The following DPP6 variants were observed in gnomAD, a reference collection of about 807,000 sequenced individuals.
The protein encoded by DPP6 is dipeptidyl peptidase like 6, also known as A-type potassium channel modulatory protein DPP6.
DPP6 carries 69 observed loss-of-function variants against 122.6 expected under a neutral mutation model. That is an observed-to-expected ratio of 0.56 (90% CI 0.46 to 0.69). The LOEUF (loss-of-function observed/expected upper bound fraction) is 0.69, where lower values mean the gene tolerates loss of function less well. Ranked by LOEUF, DPP6 falls within the 30% of genes least tolerant of loss-of-function variation. The probability of loss-of-function intolerance (pLI) is 0.00; values close to 1 mark genes in which losing one functional copy is unlikely to be tolerated. For synonymous variants in DPP6, 418 were observed against 433.1 expected (o/e 0.97, Z 0.43); for missense variants, 928 against 1,116.9 (o/e 0.83, Z 2.41).
At chr7:153,922,116 A>G (rs1800666791) in intron 1 of DPP6, among the ~76,000 whole-genome samples, 1 of 152,246 alleles carries the variant, frequency 6.6e-6, no homozygotes, top group African/African-American at 2.4e-5. Flanking sequence ...GTGTAGAGTC[A>G]GTGATGATGA....
At chr7:154,597,659 A>G (rs989774094) in intron 5 of DPP6, among the ~76,000 whole-genome samples, 5 of 152,096 alleles carry the variant, frequency 3.3e-5, no homozygotes, top group African/African-American at 7.2e-5. Flanking sequence ...CTGTCGTAAC[A>G]AAGTGCTACA....
At position 154,892,377 on chromosome 7, in the gene DPP6, A is replaced by T. The variant is rs764585943; in HGVS notation, c.2495A>T (p.Lys832Ile). 5.0e-5 allele frequency: 80 copies of T among 1,613,934 alleles called. No homozygotes were observed. The highest frequency in any genetic ancestry group is 3.4e-6 in the Non-Finnish European group (4 of 1,179,906). ...CATTACTTTACCAGCTCCAGCCTCA[A>T]ACAGCATCTGTACCGGTCCATCATC... is the stretch of plus-strand genomic sequence containing the variant. ...ESHYFTSSSL[K>I]QHLYRSIINF... is the part of the protein sequence containing the mutation. Residue 832 changes from lysine (K) to isoleucine (I), a missense_variant, in exon 26 of 26, where the codon AAA (lysine) becomes ATA (isoleucine). Lys to Ile is a moderately radical substitution (Grantham distance 102). Transcript: ENST00000377770.
chr7:154,803,155 C>G (rs1798481160), intron 13 of DPP6, among the ~76,000 whole-genome samples: 1 of 152,198 alleles, frequency 6.6e-6, no homozygotes, highest in African/African-American at 2.4e-5. Context: ...TTGGGCCCTC[C>G]ACCTAGTTTA....
chr7:154,182,383 G>A (rs1426741055), intron 1 of DPP6, among the ~76,000 whole-genome samples: 5 of 152,096 alleles, frequency 3.3e-5, no homozygotes, highest in African/African-American at 7.2e-5. Context: ...GGGCTCTGCT[G>A]TCCCCCTCCT....
chr7:154,129,363 C>G (rs1039994762), intron 1 of DPP6, among the ~76,000 whole-genome samples: 1 of 152,156 alleles, frequency 6.6e-6, no homozygotes, highest in African/African-American at 2.4e-5. Flanking sequence ...CATATCAAAA[C>G]TGTGGACCAG....
intron 1 of DPP6, among the ~76,000 whole-genome samples, chr7:154,169,762 ACT>A (rs1413505961): frequency 6.6e-6 from 1 of 152,058 alleles, no homozygotes; most frequent in African/African-American, 2.4e-5. Flanking sequence ...ATGGAGTCTC[ACT>A]CTGTCACCCA....
chr7:154,874,564 G>GAGC (rs1804688254), intron 19 of DPP6, among the ~76,000 whole-genome samples: 1 of 152,246 alleles, frequency 6.6e-6, no homozygotes, highest in African/African-American at 2.4e-5. Flanking sequence ...ACTCGACATA[G>GAGC]AGCAGCACCA....
intron 1 of DPP6, among the ~76,000 whole-genome samples, chr7:154,419,092 A>T (rs1035961938): frequency 6.6e-6 from 1 of 152,378 alleles, no homozygotes; most frequent in Non-Finnish European, 1.5e-5. Context: ...ATGTTCCAGG[A>T]ATTAATAATG....
intron 1 of DPP6, among the ~76,000 whole-genome samples, chr7:154,222,919 G>A (rs1335421895): frequency 1.3e-5 from 2 of 148,842 alleles, no homozygotes; most frequent in Non-Finnish European, 2.9e-5. Flanking sequence ...AGGCTTTTTG[G>A]TGGTTGTTGG....
At chr7:154,230,162 C>G (rs544147744) in intron 1 of DPP6, among the ~76,000 whole-genome samples, 2 of 152,046 alleles carry the variant, frequency 1.3e-5, no homozygotes, top group South Asian at 2.1e-4. Context: ...CCCTCCTATC[C>G]TCTCCCCATC....
At chr7:154,395,384 A>G (rs1310469994) in intron 1 of DPP6, among the ~76,000 whole-genome samples, 1 of 152,224 alleles carries the variant, frequency 6.6e-6, no homozygotes, top group Non-Finnish European at 1.5e-5. Context: ...CCATCCATGA[A>G]CATGGGATGT....
chr7:153,862,980 A>G, the DPP6 span, among the ~76,000 whole-genome samples: 2 of 152,218 alleles, frequency 1.3e-5, no homozygotes. Flanking sequence ...GACAGTTTAC[A>G]GGAAAAATGA....
chr7:154,617,830 G>A (rs894350474), intron 5 of DPP6, among the ~76,000 whole-genome samples: 6 of 152,150 alleles, frequency 3.9e-5, no homozygotes, highest in Admixed American at 6.5e-5. Flanking sequence ...AAAGACAGAA[G>A]GTTTAGTAGC....
At chr7:154,610,719 G>C (rs1036319671) in intron 5 of DPP6, among the ~76,000 whole-genome samples, 621 of 39,818 alleles carry the variant, frequency 0.016, 5 homozygotes, top group African/African-American at 0.043. Context: ...GTGTGTGTGT[G>C]TGTGTGTGTG....
At chr7:154,370,482 G>T (rs1812563307) in intron 1 of DPP6, among the ~76,000 whole-genome samples, 1 of 152,180 alleles carries the variant, frequency 6.6e-6, no homozygotes, top group Non-Finnish European at 1.5e-5. Flanking sequence ...GTCAGATTTT[G>T]TGACAAGGTA....
At chr7:153,944,158 G>A (rs536195627) in intron 1 of DPP6, among the ~76,000 whole-genome samples, 4 of 152,292 alleles carry the variant, frequency 2.6e-5, no homozygotes, top group East Asian at 3.9e-4. Flanking sequence ...TCGTTAGCAC[G>A]CTCCTTCCAG....
intron 2 of DPP6, among the ~76,000 whole-genome samples, chr7:154,460,809 T>C (rs1821232366): frequency 6.6e-6 from 1 of 151,972 alleles, no homozygotes. Flanking sequence ...GTAAATAGAG[T>C]ATCCATCCCC....
At chr7:154,375,768 G>A (rs1813075920) in intron 1 of DPP6, among the ~76,000 whole-genome samples, 1 of 152,146 alleles carries the variant, frequency 6.6e-6, no homozygotes, top group Admixed American at 6.5e-5. Flanking sequence ...ATTTCATTAT[G>A]GCAGCTGGAG....
chr7:154,849,579 A>G (rs761354870), intron 16 of DPP6, among the ~76,000 whole-genome samples: 1 of 152,180 alleles, frequency 6.6e-6, no homozygotes, highest in Non-Finnish European at 1.5e-5. Context: ...TGCAATCTTT[A>G]TGGTTCTCTT....
Sources: gnomAD v4.1 joint callset for allele counts (sites outside exome capture counted in the v4.1 genomes callset) on GRCh38, gnomAD v4.1.1 for gene constraint, MANE v1.5 for transcripts, NCBI Gene and HGNC (gene_info 2026-07-23, HGNC 2026-07-21) for gene names.